PARN: variants seen among roughly 807,000 people sequenced by gnomAD.
PARN encodes poly(A)-specific ribonuclease PARN.
Under a neutral mutation model 102.8 loss-of-function variants are expected in PARN, and 71 were observed. The ratio of observed to expected loss-of-function variants is 0.69; its 90% CI spans 0.57 to 0.84. The LOEUF is 0.84. Ranked by LOEUF, PARN falls within the 40% of genes least tolerant of loss-of-function variation. PARN has a pLI of 0.00. For missense variants in PARN, 782 were observed against 760.9 expected (o/e 1.03, Z -0.33); for synonymous variants, 261 against 252.9 (o/e 1.03, Z -0.30).
chr16:14,593,814 T>C (rs1462933570), intron 12 of PARN, among the ~76,000 whole-genome samples: 1 of 151,976 alleles, frequency 6.6e-6, no homozygotes, highest in Non-Finnish European at 1.5e-5. Flanking sequence ...CTGGCCAACA[T>C]GGCGAAATCC....
In PARN at chr16:14,482,629, A is replaced by G. The variant is rs1313026983; in HGVS notation, c.1670+9T>C. 6.3e-7 allele frequency: 1 copy of G among 1,578,362 alleles called. No individual in the cohort carries two copies. Among genetic ancestry groups the G allele is most frequent in the African/African-American group, 1.4e-5 (1 of 73,208 alleles). On this transcript the variant is annotated intron_variant, in intron 22 of 23. Coordinates refer to ENST00000437198, the MANE Select transcript of PARN (RefSeq NM_002582.4). ...CTGGCCTTTTAAATTAACAGCTGAGAGCTCTTACCTATTGTTGCGGTAATA... is the reference window on the plus strand; with the variant it reads ...CTGGCCTTTTAAATTAACAGCTGAGGGCTCTTACCTATTGTTGCGGTAATA...
intron 22 of PARN, among the ~76,000 whole-genome samples, chr16:14,457,797 CAAAAAAAAAAAAAAAA>C (rs35170336): frequency 3.3e-5 from 1 of 30,154 alleles, no homozygotes; most frequent in Non-Finnish European, 5.4e-5. Context: ...GACTCTGTCT[CAAAAAAAAAAAAAAAA>C]AAAAAAAAAA....
chr16:14,556,513 C>A (rs1338218499), intron 18 of PARN, among the ~76,000 whole-genome samples: 1 of 152,066 alleles, frequency 6.6e-6, no homozygotes, highest in African/African-American at 2.4e-5. Flanking sequence ...TTCTCCTGGG[C>A]CAAATATTTA....
intron 22 of PARN, among the ~76,000 whole-genome samples, chr16:14,476,911 A>G (rs923755585): frequency 1.3e-5 from 2 of 152,220 alleles, no homozygotes; most frequent in Non-Finnish European, 2.9e-5. Context: ...TACATAATTC[A>G]ACCAAAAGGC....
At chr16:14,533,964 G>A (rs911367116) in intron 21 of PARN, among the ~76,000 whole-genome samples, 3 of 152,200 alleles carry the variant, frequency 2.0e-5, no homozygotes, top group Admixed American at 1.3e-4. Context: ...GCTCACGCCT[G>A]TAATCCCAGC....
At chr16:14,575,625 AG>A (rs1447498551) in intron 18 of PARN, among the ~76,000 whole-genome samples, 1 of 152,248 alleles carries the variant, frequency 6.6e-6, no homozygotes, top group African/African-American at 2.4e-5. Flanking sequence ...GTGATTTTAC[AG>A]GCTCATAGGC....
At chr16:14,438,826 A>G (rs919055180) in intron 23 of PARN, among the ~76,000 whole-genome samples, 8 of 152,198 alleles carry the variant, frequency 5.3e-5, no homozygotes, top group African/African-American at 1.7e-4. Context: ...TGATGTGTAC[A>G]AAGGGGCCAG....
intron 21 of PARN, among the ~76,000 whole-genome samples, chr16:14,500,786 C>A (rs958486629): frequency 1.3e-5 from 2 of 152,148 alleles, no homozygotes; most frequent in African/African-American, 4.8e-5. Flanking sequence ...TGGAACCCAG[C>A]TATAAAGCTC....
chr16:14,470,777 A>T (rs1012412975), intron 22 of PARN, among the ~76,000 whole-genome samples: 1 of 151,896 alleles, frequency 6.6e-6, no homozygotes, highest in Non-Finnish European at 1.5e-5. Context: ...ATTATTTTTA[A>T]AAAATACATA....
intron 16 of PARN, among the ~76,000 whole-genome samples, chr16:14,582,527 C>T (rs1219294053): frequency 6.6e-6 from 1 of 152,094 alleles, no homozygotes; most frequent in African/African-American, 2.4e-5. Flanking sequence ...AAGGACTCAG[C>T]CGTGGGCTTT....
intron 21 of PARN, among the ~76,000 whole-genome samples, chr16:14,487,168 T>C (rs1319335965): frequency 6.6e-6 from 1 of 152,264 alleles, no homozygotes; most frequent in Non-Finnish European, 1.5e-5. Flanking sequence ...AATCTTCGGA[T>C]GTTCTAGTCA....
chr16:14,550,490 G>T (rs934421605), intron 21 of PARN, among the ~76,000 whole-genome samples: 3 of 152,150 alleles, frequency 2.0e-5, no homozygotes, highest in African/African-American at 7.2e-5. Context: ...ATAAGCAGAA[G>T]TTCATCAAGG....
intron 21 of PARN, among the ~76,000 whole-genome samples, chr16:14,495,508 G>C (rs747960094): frequency 3.9e-5 from 6 of 152,186 alleles, no homozygotes; most frequent in Non-Finnish European, 8.8e-5. Context: ...TGAGCACTCA[G>C]GCAAGGTGAG....
chr16:14,449,564 A>G (rs1961359980), intron 22 of PARN, among the ~76,000 whole-genome samples: 1 of 152,258 alleles, frequency 6.6e-6, no homozygotes, highest in Non-Finnish European at 1.5e-5. Context: ...AGCCAAGACA[A>G]ATGACAAACC....
At chr16:14,606,791 T>A (rs1216507960) in intron 9 of PARN, among the ~76,000 whole-genome samples, 4 of 151,722 alleles carry the variant, frequency 2.6e-5, no homozygotes, top group African/African-American at 9.7e-5. Flanking sequence ...ATTTTTTTTT[T>A]TTTTTTTGAG....
chr16:14,608,556 T>C (rs1213342784), intron 8 of PARN, among the ~76,000 whole-genome samples: 1 of 152,170 alleles, frequency 6.6e-6, no homozygotes, highest in African/African-American at 2.4e-5. Context: ...TCTCGTCTAA[T>C]CAAAATATTG....
At chr16:14,580,517 C>T (rs1338952542) in intron 18 of PARN, among the ~76,000 whole-genome samples, 2 of 151,950 alleles carry the variant, frequency 1.3e-5, no homozygotes, top group Non-Finnish European at 2.9e-5. Flanking sequence ...GAACTCCTGA[C>T]CTCAAGCACT....
At chr16:14,532,189 TTTTTTA>T (rs1405153484) in intron 21 of PARN, among the ~76,000 whole-genome samples, 2 of 151,326 alleles carry the variant, frequency 1.3e-5, no homozygotes, top group Non-Finnish European at 3.0e-5. Flanking sequence ...TTTTTTTTTT[TTTTTTA>T]ATTGTTCATT....
chr16:14,523,077 T>TA (rs1184053903), intron 21 of PARN, among the ~76,000 whole-genome samples: 3 of 151,852 alleles, frequency 2.0e-5, no homozygotes, highest in African/African-American at 7.3e-5. Context: ...GGCAAATACT[T>TA]AACAAAAAAG....
Sources: allele counts gnomAD v4.1 joint callset (sites outside exome capture counted in the v4.1 genomes callset), GRCh38; gene constraint gnomAD v4.1.1; transcripts MANE v1.5; gene names NCBI Gene and HGNC (gene_info 2026-07-23, HGNC 2026-07-21).